The following FAM53B variants were observed in gnomAD, a reference collection of about 807,000 sequenced individuals.
FAM53B encodes the protein family with sequence similarity 53 member B, also known as protein FAM53B.
A neutral mutation model predicts 32.7 loss-of-function variants in FAM53B; 12 were observed. The observed-to-expected ratio is 0.37, with a 90% confidence interval of 0.24 to 0.59. The LOEUF (loss-of-function observed/expected upper bound fraction) is 0.59, where lower values mean the gene tolerates loss of function less well. Ranked by LOEUF, FAM53B falls within the 20% of genes least tolerant of loss-of-function variation. The pLI is 0.72. For synonymous variants in FAM53B, 234 were observed against 228.7 expected (o/e 1.02, Z -0.21); for missense variants, 477 against 577.7 (o/e 0.83, Z 1.79).
chr10:124,636,773 C>T (rs1285977058), intron 4 of FAM53B, among the ~76,000 whole-genome samples: 1 of 151,904 alleles, frequency 6.6e-6, no homozygotes, highest in East Asian at 1.9e-4. Flanking sequence ...TGAGCAGCCT[C>T]GGTGGCCGCA....
chr10:124,660,309 G>A (rs967233265), intron 4 of FAM53B, among the ~76,000 whole-genome samples: 2 of 152,306 alleles, frequency 1.3e-5, no homozygotes, highest in African/African-American at 4.8e-5. Context: ...AAGCATGAGG[G>A]CAACACAAGA....
At chr10:124,646,425 C>A (rs1393367488) in intron 4 of FAM53B, among the ~76,000 whole-genome samples, 1 of 152,248 alleles carries the variant, frequency 6.6e-6, no homozygotes, top group Non-Finnish European at 1.5e-5. Flanking sequence ...ATTCTACAGC[C>A]AAGCGTGTAA....
intron 1 of FAM53B, among the ~76,000 whole-genome samples, chr10:124,727,761 C>T (rs1315257579): frequency 6.6e-6 from 1 of 152,026 alleles, no homozygotes; most frequent in East Asian, 1.9e-4. Context: ...AGATGATGTG[C>T]AGAGAACATG....
At chr10:124,645,853 C>T (rs966701640) in intron 4 of FAM53B, among the ~76,000 whole-genome samples, 7 of 152,228 alleles carry the variant, frequency 4.6e-5, no homozygotes, top group African/African-American at 1.7e-4. Context: ...CAGCCTGTCC[C>T]GGGGGCAGCA....
intron 4 of FAM53B, among the ~76,000 whole-genome samples, chr10:124,649,122 G>C (rs1215521809): frequency 1.3e-5 from 2 of 152,226 alleles, no homozygotes; most frequent in Non-Finnish European, 2.9e-5. Context: ...CAACTCTCTA[G>C]GCCTGTTTCA....
At chr10:124,691,656 A>G (rs1949833105) in intron 3 of FAM53B, among the ~76,000 whole-genome samples, 1 of 152,194 alleles carries the variant, frequency 6.6e-6, no homozygotes. Flanking sequence ...TGTGGTGTCC[A>G]TTGTCCCTGC....
In FAM53B at chr10:124,623,568, C is replaced by A; in HGVS notation, c.943G>T (p.Ala315Ser). 6.2e-7 allele frequency: 1 copy of A among 1,606,386 alleles called. No individual in the cohort carries two copies. Among genetic ancestry groups the A allele is most frequent in the South Asian group, 1.1e-5 (1 of 89,908 alleles). The change falls in exon 5 of 5, where the codon GCA (alanine) becomes TCA (serine). Residue 315 changes from alanine (A) to serine (S), a missense_variant. By Grantham distance (99) the Ala-to-Ser change is moderately conservative. Transcript: ENST00000337318. Reference sequence around the variant, plus strand: ...TGGGGACCGCAGTCCTCTGTCCCTGCGCTCAGGCAGCTGAGGCTGCTGAAG... The same window carrying A: ...TGGGGACCGCAGTCCTCTGTCCCTGAGCTCAGGCAGCTGAGGCTGCTGAAG... Reference protein sequence around the residue: ...QTFSSLSCLSAGTEDCGPQSP... With the variant: ...QTFSSLSCLSSGTEDCGPQSP...
At chr10:124,649,979 C>CT (rs1209325814) in intron 4 of FAM53B, among the ~76,000 whole-genome samples, 1 of 152,174 alleles carries the variant, frequency 6.6e-6, no homozygotes, top group Non-Finnish European at 1.5e-5. Flanking sequence ...AGGCCCTCTC[C>CT]TCGCAGGCTC....
intron 4 of FAM53B, among the ~76,000 whole-genome samples, chr10:124,659,756 AAGATATCTGGCT>A (rs1252843823): frequency 1.3e-5 from 2 of 152,254 alleles, no homozygotes; most frequent in Non-Finnish European, 2.9e-5. Flanking sequence ...AAGGGGCCAG[AAGATATCTGGCT>A]GACAGAGTTT....
intron 1 of FAM53B, among the ~76,000 whole-genome samples, chr10:124,732,109 T>C (rs1950147311): frequency 6.6e-6 from 1 of 152,130 alleles, no homozygotes; most frequent in African/African-American, 2.4e-5. Flanking sequence ...CTGGCTCCAG[T>C]AGCAATCAGG....
intron 4 of FAM53B, among the ~76,000 whole-genome samples, chr10:124,662,602 G>A (rs2134057644): frequency 1.3e-5 from 2 of 151,834 alleles, no homozygotes; most frequent in South Asian, 4.2e-4. Flanking sequence ...GATGGCTTGA[G>A]GCCAGGAGTT....
chr10:124,709,699 C>T (rs1256389080), intron 1 of FAM53B, among the ~76,000 whole-genome samples: 3 of 152,136 alleles, frequency 2.0e-5, no homozygotes, highest in African/African-American at 4.8e-5. Context: ...AAGGGAATAC[C>T]ATGTGGCCTT....
intron 1 of FAM53B, among the ~76,000 whole-genome samples, chr10:124,732,987 C>G (rs1950153695): frequency 6.6e-6 from 1 of 152,184 alleles, no homozygotes; most frequent in Non-Finnish European, 1.5e-5. Flanking sequence ...CAACTTTTGG[C>G]CTATGCGGAC....
At chr10:124,723,401 A>G (rs900277314) in intron 1 of FAM53B, among the ~76,000 whole-genome samples, 9 of 152,252 alleles carry the variant, frequency 5.9e-5, no homozygotes, top group African/African-American at 2.2e-4. Context: ...GCACCTCCTG[A>G]TTCACGGAGG....
intron 4 of FAM53B, among the ~76,000 whole-genome samples, chr10:124,625,797 C>T (rs1036890153): frequency 2.0e-5 from 3 of 152,226 alleles, no homozygotes; most frequent in African/African-American, 4.8e-5. Flanking sequence ...GCCTGGGTGG[C>T]CTCAGCCGTG....
At chr10:124,665,186 TC>T (rs1949661452) in intron 4 of FAM53B, among the ~76,000 whole-genome samples, 1 of 152,156 alleles carries the variant, frequency 6.6e-6, no homozygotes, top group Non-Finnish European at 1.5e-5. Flanking sequence ...GCCCCCTTTC[TC>T]CACTGAAGGG....
intron 4 of FAM53B, among the ~76,000 whole-genome samples, chr10:124,660,232 G>C (rs1429417367): frequency 6.6e-6 from 1 of 152,200 alleles, no homozygotes; most frequent in Non-Finnish European, 1.5e-5. Context: ...TCAGGAGACA[G>C]AGGAAATTGA....
At chr10:124,671,011 A>G (rs955923669) in intron 4 of FAM53B, 2 of 401,016 alleles carry the variant, frequency 5.0e-6, no homozygotes, top group South Asian at 1.7e-5. Context: ...GATGCGCGCT[A>G]GAAGAGATCT....
At chr10:124,716,422 G>C (rs369661550) in intron 1 of FAM53B, among the ~76,000 whole-genome samples, 2 of 152,196 alleles carry the variant, frequency 1.3e-5, no homozygotes, top group African/African-American at 4.8e-5. Context: ...TGTTCTCCTG[G>C]ACTTTTCAAT....
Sources: gnomAD v4.1 joint callset for allele counts (sites outside exome capture counted in the v4.1 genomes callset) on GRCh38, gnomAD v4.1.1 for gene constraint, MANE v1.5 for transcripts, NCBI Gene and HGNC (gene_info 2026-07-23, HGNC 2026-07-21) for gene names.